Variants in CCNL1 observed in about 807,000 individuals in gnomAD.
The protein encoded by CCNL1 is cyclin-L1.
A neutral mutation model predicts 60.6 loss-of-function variants in CCNL1; 13 were observed. The ratio of observed to expected loss-of-function variants is 0.21; its 90% CI spans 0.14 to 0.34. The LOEUF (loss-of-function observed/expected upper bound fraction) is 0.34, where lower values mean the gene tolerates loss of function less well. CCNL1 is among the 10% of genes least tolerant of loss of function. The pLI, the probability that CCNL1 is intolerant of heterozygous loss-of-function variation, is 1.00. For synonymous variants in CCNL1, 270 were observed against 244.3 expected, an observed-to-expected ratio of 1.10 and a Z score of -0.98; for missense variants, 481 against 664.3, an observed-to-expected ratio of 0.72 and a Z score of 3.03.
At chr3:157,157,891 T>A (rs1299272475) in intron 3 of CCNL1, among the ~76,000 whole-genome samples, 1 of 152,188 alleles carries the variant, frequency 6.6e-6, no homozygotes, top group African/African-American at 2.4e-5. Flanking sequence ...TAAGGACTAC[T>A]CATATAGAAT....
chr3:157,158,642 C>G (rs1477410181), intron 3 of CCNL1: 1 of 407,604 alleles, frequency 2.5e-6, no homozygotes, highest in Non-Finnish European at 4.5e-6. Context: ...TTAGGATTGT[C>G]CATAAATGCA....
chr3:157,149,613 T>A lies in CCNL1; in HGVS notation c.1022-17A>T. On this transcript the variant is annotated splice_polypyrimidine_tract_variant and intron_variant, in intron 8 of 10. Coordinates refer to ENST00000295926, the MANE Select transcript of CCNL1 (RefSeq NM_020307.4). The stretch of plus-strand genomic sequence containing the variant: ...TTGGTGATGCTTTTAAAAGATATAA[T>A]AACAACATGTTAACTACTGGATTTA... 2 of 1,602,078 alleles carry A rather than the reference T, an allele frequency of 1.2e-6. No homozygotes were observed. Among genetic ancestry groups the A allele is most frequent in the Non-Finnish European group, 1.7e-6 (2 of 1,171,626 alleles).
intron 2 of CCNL1, 103 bp downstream of exon 2, chr3:157,159,302 A>C: frequency 1.8e-6 from 2 of 1,097,294 alleles, no homozygotes; most frequent in Non-Finnish European, 2.7e-6. Flanking sequence ...CAAAGGCCTA[A>C]ACTAAACCAC....
At chr3:157,145,698 T>C (rs1737765471), downstream of CCNL1, among the ~76,000 whole-genome samples, 1 of 152,172 alleles carries the variant, frequency 6.6e-6, no homozygotes, top group African/African-American at 2.4e-5. Flanking sequence ...AATAACAGTC[T>C]GGGTGTCCAG....
At chr3:157,152,468 T>C (rs1738268143) in intron 4 of CCNL1, 3 of 1,236,390 alleles carry the variant, frequency 2.4e-6, no homozygotes, top group Non-Finnish European at 3.0e-6. Context: ...AAAAAGGCAA[T>C]TAAAAGAATA....
chr3:157,149,687 C>A, intron 8 of CCNL1, 91 bp from the exon 9 acceptor site: 1 of 1,463,654 alleles, frequency 6.8e-7, no homozygotes, highest in Non-Finnish European at 9.4e-7. Flanking sequence ...TACCATGCTT[C>A]CGCTTCCATG....
At chr3:157,154,933 T>TACATACATACATACATACATAC (rs1553850934) in intron 3 of CCNL1, among the ~76,000 whole-genome samples, 1 of 147,782 alleles carries the variant, frequency 6.8e-6, no homozygotes, top group African/African-American at 2.6e-5. Context: ...TCTCCATATA[T>TACATACATACATACATACATAC]ATACATACAT....
chr3:157,160,044 C>CGATGAGGCGGCT lies in CCNL1; in HGVS notation c.39_50dup (p.Ser16_Ala19dup). The CGATGAGGCGGCT allele has an allele frequency of 6.4e-7, 1 of 1,564,340 alleles. No homozygotes were observed. Among genetic ancestry groups the CGATGAGGCGGCT allele is most frequent in the African/African-American group, 1.4e-5 (1 of 73,884 alleles). On this transcript the variant is annotated inframe_insertion, in exon 1 of 11. Coordinates refer to ENST00000295926, the MANE Select transcript of CCNL1 (RefSeq NM_020307.4). Reference sequence around the variant, plus strand: ...TGGAGCCGCCCGCGCTTGGGGCGGCCGATGAGGCGGCTGCGGCAGCAGTAG... The same window carrying CGATGAGGCGGCT: ...TGGAGCCGCCCGCGCTTGGGGCGGCCGATGAGGCGGCTGATGAGGCGGCTGCGGCAGCAGTAG...
intron 3 of CCNL1, 187 bp downstream of exon 3, chr3:157,158,679 G>A (rs140087826): frequency 8.5e-6 from 4 of 472,988 alleles, no homozygotes; most frequent in Admixed American, 3.8e-5. Context: ...TTAGATAACC[G>A]GTTAATTATG....
intron 5 of CCNL1, chr3:157,151,393 C>T (rs1001878482): frequency 1.0e-6 from 1 of 985,762 alleles, no homozygotes; most frequent in Non-Finnish European, 1.2e-6. Flanking sequence ...CACACATCTG[C>T]ATCTCAAGAA....
intron 3 of CCNL1, chr3:157,153,980 A>G (rs1321975733): frequency 6.6e-6 from 1 of 152,204 alleles, no homozygotes; most frequent in East Asian, 1.9e-4. Flanking sequence ...AACATGCTTT[A>G]CTATTAACAC....
Position 157,159,990 on chromosome 3 carries a change from GGTC to G in CCNL1, c.102_104del (p.Thr37del), listed in dbSNP as rs751619535. ...CGCCGATCAGGATCCCTCCCGTCGT[GGTC>G]GTCGTCGTGGTCGTCGTCCCGGAGC... On this transcript the variant is annotated inframe_deletion, in exon 1 of 11. Transcript: ENST00000295926. 5.1e-6 allele frequency: 8 copies of G among 1,580,566 alleles called. No homozygotes were observed. The East Asian group carries it at 7.0e-5, about 14-fold the overall frequency.
chr3:157,150,890 AC>A (rs1738140693), intron 5 of CCNL1: 1 of 984,274 alleles, frequency 1.0e-6, no homozygotes, highest in Admixed American at 6.1e-5. Context: ...AAGCTAAGAT[AC>A]TTAGAAAATC....
At chr3:157,151,724 G>A (rs1577071865) in intron 5 of CCNL1, 2 of 1,009,440 alleles carry the variant, frequency 2.0e-6, no homozygotes, top group East Asian at 1.0e-4. Context: ...ATGTCAAATA[G>A]TTACTTCTAG....
chr3:157,148,513 G>C lies in CCNL1; in HGVS notation c.1309C>G (p.Pro437Ala), dbSNP rs1268373573. ...GAACCATGATTATGATGTCTTCGAGGGCTTTCACTGTGACTGCGGGACCTG... is the reference window on the plus strand; with the variant it reads ...GAACCATGATTATGATGTCTTCGAGCGCTTTCACTGTGACTGCGGGACCTG... The part of the protein sequence containing the change: ...RSRSRSHSES[P>A]RRHHNHGSPH... The change falls in exon 11 of 11, where the codon CCT (proline) becomes GCT (alanine). Residue 437 changes from proline to alanine, a missense_variant. Around this residue, in one of 5 missense-constraint regions of CCNL1, gnomAD observed 197 missense variants for 233.9 expected, o/e 0.84. Coordinates refer to ENST00000295926, the MANE Select transcript of CCNL1 (RefSeq NM_020307.4). 1 of 1,614,004 alleles carries C rather than the reference G, an allele frequency of 6.2e-7. No individual in the cohort carries two copies. The highest frequency in any genetic ancestry group is 2.2e-5 in the East Asian group (1 of 44,896).
In CCNL1 at chr3:157,147,758, CTTT is replaced by C. The variant is rs571353608; in HGVS notation, c.*480_*482del. 369 of 981,480 alleles carry C rather than the reference CTTT, an allele frequency of 3.8e-4. 6 individuals carry two copies. The South Asian group carries it at 0.016, about 42-fold the overall frequency. 60.8% of individuals were successfully genotyped at this position (981,480 alleles called of 1,614,324 possible). ...CAGCCATTTTGCTATTAAAATTTTCCTTTTTAATAATTTATTTAAATAAGGTAT... is the reference window on the plus strand; with the variant it reads ...CAGCCATTTTGCTATTAAAATTTTCCTTAATAATTTATTTAAATAAGGTAT... On this transcript the variant is annotated 3_prime_UTR_variant, in exon 11 of 11. Transcript: ENST00000295926.
Position 157,150,052 on chromosome 3 carries a change from A to AG in CCNL1, c.879+12_879+13insC. 5.0e-6 allele frequency: 8 copies of AG among 1,608,206 alleles called. No individual in the cohort carries two copies. The highest frequency in any genetic ancestry group is 6.8e-6 in the Non-Finnish European group (8 of 1,178,230). ...TCTTAGCATGTTGGCACAAACGAGT[A>AG]AATAGAGAATACCTTTTTTCTGGTA... On this transcript the variant is annotated intron_variant, in intron 7 of 10. Transcript: ENST00000295926.
chr3:157,150,259 CAAAATGGGA>C lies in CCNL1; in HGVS notation c.774+14_774+22del. On this transcript the variant is annotated intron_variant, in intron 6 of 10. Transcript: ENST00000295926. ...AATTTGTGTGATTTATCCTACAGAA[CAAAATGGGA>C]AATATACACCTACCTGAAGTGCTCT... The C allele has an allele frequency of 6.2e-7, 1 of 1,612,526 alleles. No homozygotes were observed. The highest frequency in any genetic ancestry group is 8.5e-7 in the Non-Finnish European group (1 of 1,178,962).
downstream of CCNL1, chr3:157,146,404 T>C: frequency 2.9e-6 from 1 of 348,116 alleles, no homozygotes; most frequent in Non-Finnish European, 5.6e-6. Flanking sequence ...CATACAAACC[T>C]CATTCCACAT....
Sources: gnomAD v4.1 joint callset for allele counts (sites outside exome capture counted in the v4.1 genomes callset) on GRCh38, gnomAD v4.1.1 for gene constraint, gnomAD v4.1.1 regional missense constraint, MANE v1.5 for transcripts, NCBI Gene and HGNC (gene_info 2026-07-23, HGNC 2026-07-21) for gene names.